The following PRR11 variants were observed in gnomAD, a reference collection of about 807,000 sequenced individuals.
The protein encoded by PRR11 is proline-rich protein 11.
A neutral mutation model predicts 45.6 loss-of-function variants in PRR11; 30 were observed. The observed-to-expected ratio is 0.66, with a 90% confidence interval of 0.49 to 0.89. The LOEUF (loss-of-function observed/expected upper bound fraction) is 0.89, where lower values mean the gene tolerates loss of function less well. Among genes scored for constraint, PRR11 ranks in the 40% least tolerant of loss-of-function variants. PRR11 has a pLI of 0.00. For missense variants in PRR11, 373 were observed against 424.8 expected (o/e 0.88, Z 1.07); for synonymous variants, 128 against 153.5 (o/e 0.83, Z 1.23).
chr17:59,192,423 A>G (rs188425839), intron 4 of PRR11, among the ~76,000 whole-genome samples: 2 of 152,338 alleles, frequency 1.3e-5, no homozygotes, highest in East Asian at 3.9e-4. Context: ...GGAAATTAAT[A>G]CACCGTTTTA....
At chr17:59,198,538 G>A (rs979916756) in intron 9 of PRR11, among the ~76,000 whole-genome samples, 11 of 152,190 alleles carry the variant, frequency 7.2e-5, no homozygotes, top group African/African-American at 2.7e-4. Flanking sequence ...GCAAGGTGTG[G>A]TGGCGGATGC....
chr17:59,191,356 T>C (rs1310751808), intron 4 of PRR11, among the ~76,000 whole-genome samples: 1 of 151,968 alleles, frequency 6.6e-6, no homozygotes, highest in Non-Finnish European at 1.5e-5. Flanking sequence ...GTAGCTGGGA[T>C]TACAGGTGCC....
intron 2 of PRR11, among the ~76,000 whole-genome samples, chr17:59,172,448 C>A (rs1004041081): frequency 2.0e-5 from 3 of 152,252 alleles, no homozygotes; most frequent in Non-Finnish European, 2.9e-5. Context: ...TTCAGCCCGC[C>A]GCTGCACTGT....
In PRR11 at chr17:59,185,207, A is replaced by G. The variant is rs749807815; in HGVS notation, c.279+3A>G. The stretch of plus-strand genomic sequence containing the variant: ...GGTGCCAGAACTGCATAACCCAGGT[A>G]TGGATGTGACATCCCTGTTTTCAGT... On this transcript the variant is annotated splice_donor_region_variant and intron_variant, in intron 3 of 9. Transcript: ENST00000262293. 2.5e-6 allele frequency: 4 copies of G among 1,613,560 alleles called. No individual in the cohort carries two copies. The highest frequency in any genetic ancestry group is 2.5e-6 in the Non-Finnish European group (3 of 1,179,712).
At chr17:59,159,802 C>G (rs1484978592) in intron 1 of PRR11, among the ~76,000 whole-genome samples, 1 of 152,168 alleles carries the variant, frequency 6.6e-6, no homozygotes, top group Non-Finnish European at 1.5e-5. Flanking sequence ...TAACCTAGCC[C>G]CTTCATCAAA....
At chr17:59,186,613 T>G (rs1422057174) in intron 4 of PRR11, among the ~76,000 whole-genome samples, 1 of 148,968 alleles carries the variant, frequency 6.7e-6, no homozygotes, top group Non-Finnish European at 1.5e-5. Flanking sequence ...CAGGCTAGTC[T>G]CAAACTCCTG....
chr17:59,181,757 G>A, intron 2 of PRR11: 2 of 1,557,014 alleles, frequency 1.3e-6, no homozygotes, highest in South Asian at 1.1e-5. Flanking sequence ...GCTGAGTAAA[G>A]AAACCAGGCC....
chr17:59,198,413 C>G (rs1293357541), intron 9 of PRR11, among the ~76,000 whole-genome samples: 1 of 151,946 alleles, frequency 6.6e-6, no homozygotes, highest in East Asian at 1.9e-4. Flanking sequence ...CGGTGGCTCA[C>G]GCCTGTAATC....
intron 1 of PRR11, among the ~76,000 whole-genome samples, chr17:59,162,389 A>G (rs1398008967): frequency 6.6e-6 from 1 of 152,218 alleles, no homozygotes; most frequent in Non-Finnish European, 1.5e-5. Flanking sequence ...AACAGCCAAC[A>G]GGAAAGGACT....
intron 2 of PRR11, among the ~76,000 whole-genome samples, chr17:59,178,013 A>C (rs1460833555): frequency 6.6e-6 from 1 of 151,820 alleles, no homozygotes; most frequent in Non-Finnish European, 1.5e-5. Flanking sequence ...AAAAAAAAAA[A>C]AAAACAGGTG....
chr17:59,184,648 T>C (rs2046804594), intron 2 of PRR11, among the ~76,000 whole-genome samples: 1 of 152,126 alleles, frequency 6.6e-6, no homozygotes, highest in African/African-American at 2.4e-5. Flanking sequence ...TTCATGACGC[T>C]TTAAACCGCC....
In PRR11 at chr17:59,204,963, G is replaced by A. The variant is rs1210764668; in HGVS notation, c.*3332G>A. The stretch of plus-strand genomic sequence containing the variant: ...GAATCACTTGAGCCTGGGAGGTTGA[G>A]GCTGCAGTGAGCTGTGTTTATACCA... On this transcript the variant is annotated 3_prime_UTR_variant, in exon 10 of 10. Transcript: ENST00000262293. 6.6e-6 allele frequency among the ~76,000 whole-genome samples: 1 copy of A among 152,108 alleles called. No individual in the cohort carries two copies. Among genetic ancestry groups the A allele is most frequent in the Non-Finnish European group, 1.5e-5 (1 of 68,034 alleles).
In PRR11 at chr17:59,185,447, A is replaced by C; in HGVS notation, c.287A>C (p.Glu96Ala). 1 of 1,598,458 alleles carries C rather than the reference A, an allele frequency of 6.3e-7. No homozygotes were observed. The highest frequency in any genetic ancestry group is 8.6e-7 in the Non-Finnish European group (1 of 1,168,966). Residue 96 changes from glutamate to alanine, a missense_variant, in exon 4 of 10, where the codon GAA becomes GCA. Coordinates refer to ENST00000262293, the MANE Select transcript of PRR11 (RefSeq NM_018304.4). ...WCQNCITQSL[E>A]VLKDTIFPSR... is the part of the protein sequence containing the mutation. ...GTTTATTATTAATTTCAGAGTTTAG[A>C]AGTATTGAAAGACACCATCTTTCCA...
Position 59,185,139 on chromosome 17 carries a change from G to A in PRR11, c.214G>A (p.Ala72Thr), listed in dbSNP as rs1031433483. 8 of 1,611,522 alleles carry A rather than the reference G, an allele frequency of 5.0e-6. No individual in the cohort carries two copies. The highest frequency in any genetic ancestry group is 6.8e-6 in the Non-Finnish European group (8 of 1,178,450). Residue 72 changes from alanine to threonine, a missense_variant, in exon 3 of 10, where the codon GCA becomes ACA. Transcript: ENST00000262293. ...CTTCAATTTTCCTAACATCAGAGAT[G>A]CAATAAAACTTTGGACAAATAGAGT... is the stretch of plus-strand genomic sequence containing the variant. ...WNFNFPNIRD[A>T]IKLWTNRVWS... is the part of the protein sequence containing the mutation.
intron 2 of PRR11, among the ~76,000 whole-genome samples, chr17:59,172,552 C>T (rs1568319893): frequency 6.6e-6 from 1 of 152,194 alleles, no homozygotes; most frequent in South Asian, 2.1e-4. Flanking sequence ...ACCGGGGCTG[C>T]GCGCTGCGCT....
chr17:59,177,808 C>T (rs549052400), intron 2 of PRR11, among the ~76,000 whole-genome samples: 83 of 152,254 alleles, frequency 5.5e-4, no homozygotes, highest in African/African-American at 1.9e-3. Context: ...GTGAGTCCAA[C>T]AGTTCTAGAA....
Position 59,193,607 on chromosome 17 carries a change from T to C in PRR11, c.518T>C (p.Leu173Pro). Residue 173 changes from leucine (L) to proline (P), a missense_variant, in exon 5 of 10, where the codon CTT (leucine) becomes CCT (proline). Transcript: ENST00000262293. ...ACCCCTGGAGACTCCAAAGCTGTGCTTCCTCCCACACTGCCACAGCCAGCC... is the reference window on the plus strand; with the variant it reads ...ACCCCTGGAGACTCCAAAGCTGTGCCTCCTCCCACACTGCCACAGCCAGCC... ...LITPGDSKAVLPPTLPQPASH... is the reference protein window; with the variant it reads ...LITPGDSKAVPPPTLPQPASH... 6.2e-7 allele frequency: 1 copy of C among 1,614,134 alleles called. No homozygotes were observed. Among genetic ancestry groups the C allele is most frequent in the Non-Finnish European group, 8.5e-7 (1 of 1,180,028 alleles).
At chr17:59,173,045 G>A (rs538767401) in intron 2 of PRR11, among the ~76,000 whole-genome samples, 4 of 152,194 alleles carry the variant, frequency 2.6e-5, no homozygotes, top group Admixed American at 2.0e-4. Context: ...TGCACCAATC[G>A]GCACTCTGTA....
At chr17:59,167,150 C>T (rs1430114126) in intron 1 of PRR11, among the ~76,000 whole-genome samples, 1 of 152,108 alleles carries the variant, frequency 6.6e-6, no homozygotes, top group Non-Finnish European at 1.5e-5. Flanking sequence ...GATGACGGAG[C>T]AAGACTCTGT....
Sources: allele counts gnomAD v4.1 joint callset (sites outside exome capture counted in the v4.1 genomes callset), GRCh38; gene constraint gnomAD v4.1.1; transcripts MANE v1.5; gene names NCBI Gene and HGNC (gene_info 2026-07-23, HGNC 2026-07-21).